Variants in BPIFC observed in about 807,000 individuals in gnomAD.
BPIFC encodes BPI fold-containing family C protein.
A neutral mutation model predicts 57.6 loss-of-function variants in BPIFC; 60 were observed. The observed-to-expected ratio is 1.04, with a 90% confidence interval of 0.85 to 1.29. The LOEUF is 1.29. Among genes scored for constraint, BPIFC ranks in the 50% most tolerant of loss-of-function variants. The pLI, the probability that BPIFC is intolerant of heterozygous loss-of-function variation, is 0.00. For missense variants in BPIFC, 581 were observed against 600.5 expected (o/e 0.97, Z 0.34); for synonymous variants, 243 against 224.5 (o/e 1.08, Z -0.74).
At chr22:32,424,628 C>T (rs78123225) in intron 13 of BPIFC, among the ~76,000 whole-genome samples, 1,783 of 48,688 alleles carry the variant, frequency 0.037, 241 homozygotes, top group East Asian at 0.15. Context: ...CCTCCTCCTC[C>T]TCTTCTTCTT....
At chr22:32,421,904 A>G (rs1933856946) in intron 13 of BPIFC, among the ~76,000 whole-genome samples, 1 of 152,238 alleles carries the variant, frequency 6.6e-6, no homozygotes. Flanking sequence ...AGATGTAGGA[A>G]GGTTTCCAGG....
intron 3 of BPIFC, among the ~76,000 whole-genome samples, chr22:32,454,515 T>G (rs1381729167): frequency 6.6e-6 from 1 of 152,164 alleles, no homozygotes. Flanking sequence ...CTGAGCTCAT[T>G]GGGGAAAAGA....
At chr22:32,428,553 A>G (rs372766167) in intron 13 of BPIFC, among the ~76,000 whole-genome samples, 5 of 152,120 alleles carry the variant, frequency 3.3e-5, no homozygotes, top group East Asian at 1.9e-4. Flanking sequence ...ACCTTCGTAA[A>G]ACCTTTTCTT....
In BPIFC at chr22:32,435,743, G is replaced by A; in HGVS notation, c.885C>T (p.Phe295=). 6.2e-7 allele frequency: 1 copy of A among 1,614,102 alleles called. No individual in the cohort carries two copies. The highest frequency in any genetic ancestry group is 1.3e-5 in the African/African-American group (1 of 75,046). The stretch of plus-strand genomic sequence containing the variant: ...GAGTGACATTGAAAACCCCAGCTGT[G>A]AAATGAGCAAAGGACGCAGATTTAA... The part of the protein sequence containing the change: ...YFFKSASFAH[F]TAGVFNVTLS... The change falls in exon 10 of 17, where the codon TTC becomes TTT. Residue 295 remains phenylalanine, a synonymous_variant. Coordinates refer to ENST00000300399, the MANE Select transcript of BPIFC (RefSeq NM_174932.3).
intron 7 of BPIFC, among the ~76,000 whole-genome samples, chr22:32,445,014 A>T (rs940738133): frequency 6.6e-6 from 1 of 152,218 alleles, no homozygotes; most frequent in Non-Finnish European, 1.5e-5. Flanking sequence ...ATAGGTACAT[A>T]ATAAGTAAAT....
chr22:32,433,652 C>A, intron 11 of BPIFC, 67 bp downstream of exon 11: 1 of 1,421,584 alleles, frequency 7.0e-7, no homozygotes, highest in Non-Finnish European at 9.9e-7. Flanking sequence ...GTAGAACCCA[C>A]AAGTCTTCCA....
At chr22:32,429,762 G>C (rs1453493056) in intron 13 of BPIFC, among the ~76,000 whole-genome samples, 1 of 151,810 alleles carries the variant, frequency 6.6e-6, no homozygotes, top group African/African-American at 2.4e-5. Flanking sequence ...TCATCTACTT[G>C]TCTCGTCCTC....
chr22:32,441,334 A>T (rs989119182), intron 8 of BPIFC, among the ~76,000 whole-genome samples: 2 of 151,796 alleles, frequency 1.3e-5, no homozygotes, highest in African/African-American at 4.8e-5. Context: ...TTTTCTTCTT[A>T]CCACTTATCA....
intron 8 of BPIFC, among the ~76,000 whole-genome samples, chr22:32,440,545 T>A (rs897342971): frequency 7.2e-5 from 11 of 152,204 alleles, no homozygotes; most frequent in Non-Finnish European, 1.6e-4. Context: ...AGTAGACAGA[T>A]ATATCAACAG....
intron 16 of BPIFC, among the ~76,000 whole-genome samples, chr22:32,415,174 A>G (rs1053391254): frequency 6.6e-6 from 1 of 152,172 alleles, no homozygotes; most frequent in African/African-American, 2.4e-5. Context: ...TTGTGCTCCT[A>G]TGAGAATCTA....
chr22:32,415,253 A>C (rs1933638401), intron 16 of BPIFC, among the ~76,000 whole-genome samples: 1 of 152,186 alleles, frequency 6.6e-6, no homozygotes, highest in Admixed American at 6.5e-5. Context: ...GCTCACCTCC[A>C]GCTGTGCAAC....
chr22:32,460,374 C>G (rs920039315), intron 2 of BPIFC, among the ~76,000 whole-genome samples: 1 of 152,198 alleles, frequency 6.6e-6, no homozygotes, highest in Admixed American at 6.5e-5. Context: ...AACTCCCCAA[C>G]TTACACAGGG....
In BPIFC at chr22:32,447,355, A is replaced by T; in HGVS notation, c.246-15T>A. On this transcript the variant is annotated splice_polypyrimidine_tract_variant and intron_variant, in intron 4 of 16. Coordinates refer to ENST00000300399, the MANE Select transcript of BPIFC (RefSeq NM_174932.3). ...TGATTTTTATACTGTAAAACCAGAA[A>T]CAAGAAGTTAGGGCGACTCTTCCAG... is the stretch of plus-strand genomic sequence containing the variant. 6.2e-7 allele frequency: 1 copy of T among 1,608,022 alleles called. No homozygotes were observed. The highest frequency in any genetic ancestry group is 1.1e-5 in the South Asian group (1 of 90,034).
intron 8 of BPIFC, among the ~76,000 whole-genome samples, chr22:32,441,234 T>A (rs954650571): frequency 6.6e-6 from 1 of 152,112 alleles, no homozygotes; most frequent in Non-Finnish European, 1.5e-5. Flanking sequence ...TCCCTTTGGG[T>A]TTTTCTAGTA....
chr22:32,437,866 A>T lies in BPIFC; in HGVS notation c.656-15T>A. On this transcript the variant is annotated splice_polypyrimidine_tract_variant and intron_variant, in intron 8 of 16. Coordinates refer to ENST00000300399, the MANE Select transcript of BPIFC (RefSeq NM_174932.3). ...CTTGGTTAAAACTAAATAACCAACAAAGAAAAAAGAAAATCCATATTCATT... is the reference window on the plus strand; with the variant it reads ...CTTGGTTAAAACTAAATAACCAACATAGAAAAAAGAAAATCCATATTCATT... 6.7e-7 allele frequency: 1 copy of T among 1,494,102 alleles called. No homozygotes were observed. 92.6% of individuals were successfully genotyped at this position (1,494,102 alleles called of 1,614,324 possible). A position where few individuals can be genotyped will look rare whatever the true frequency, so the allele number is the denominator to read the frequency against.
At chr22:32,449,715 A>G (rs1366585329) in intron 4 of BPIFC, among the ~76,000 whole-genome samples, 1 of 151,372 alleles carries the variant, frequency 6.6e-6, no homozygotes, top group Non-Finnish European at 1.5e-5. Context: ...CCTCATACAT[A>G]CTGCTTGTGT....
At chr22:32,457,161 G>A (rs911271893) in intron 3 of BPIFC, 102 bp downstream of exon 3, 22 of 1,366,610 alleles carry the variant, frequency 1.6e-5, no homozygotes, top group South Asian at 1.1e-4. Context: ...ACAGTACGGC[G>A]TTTCTCAGTC....
At chr22:32,437,910 A>G in intron 8 of BPIFC, 59 bp from the exon 9 acceptor site, 1 of 949,644 alleles carries the variant, frequency 1.1e-6, no homozygotes, top group Non-Finnish European at 1.7e-6. Context: ...AGTATAATAT[A>G]TGAATGATGT....
intron 9 of BPIFC, among the ~76,000 whole-genome samples, chr22:32,437,156 T>C (rs1934429344): frequency 6.6e-6 from 1 of 152,332 alleles, no homozygotes; most frequent in East Asian, 1.9e-4. Flanking sequence ...CTCTACTTGC[T>C]GCCTCCTAGC....
Sources: gnomAD v4.1 joint callset for allele counts (sites outside exome capture counted in the v4.1 genomes callset) on GRCh38, gnomAD v4.1.1 for gene constraint, MANE v1.5 for transcripts, NCBI Gene and HGNC (gene_info 2026-07-23, HGNC 2026-07-21) for gene names.